The following ZNF398 variants were observed in gnomAD, a reference collection of about 807,000 sequenced individuals.
ZNF398 encodes the protein zinc finger protein 398.
In ZNF398, 18 loss-of-function variants were observed where a neutral mutation model predicts 41.9. That is an observed-to-expected ratio of 0.43 (90% CI 0.30 to 0.64). The LOEUF (loss-of-function observed/expected upper bound fraction) is 0.64. Among genes scored for constraint, ZNF398 ranks in the 30% least tolerant of loss-of-function variants. The pLI, the probability that ZNF398 is intolerant of heterozygous loss-of-function variation, is 0.14. For synonymous variants in ZNF398, 260 were observed against 308.8 expected (o/e 0.84, Z 1.66); for missense variants, 669 against 822.8 (o/e 0.81, Z 2.29).
rs567278585 is a variant in ZNF398 at position 149,139,031 on chromosome 7, C to T, written c.-490+10087C>T. On this transcript the variant is annotated intron_variant, in intron 2 of 6. Coordinates refer to the ZNF398 transcript ENST00000426851. ...GTTCCAGCAATTCTCCTGCCTCAGC[C>T]TCCAGAGTAGCTGGGACTACAGGAG... Among the ~76,000 whole-genome samples, 21 of 152,130 alleles carry T rather than the reference C, an allele frequency of 1.4e-4. 1 individual carries two copies. In the South Asian group the frequency reaches 3.3e-3, roughly 24 times the overall value.
intron 2 of ZNF398, among the ~76,000 whole-genome samples, chr7:149,142,439 G>A (rs543955501): frequency 1.1e-4 from 17 of 152,242 alleles, no homozygotes; most frequent in African/African-American, 1.7e-4. Flanking sequence ...AGGCCGAGGC[G>A]GGCGGATCAC....
At chr7:149,143,272 C>T (rs1253953507), upstream of ZNF398, among the ~76,000 whole-genome samples, 1 of 152,154 alleles carries the variant, frequency 6.6e-6, no homozygotes, top group Non-Finnish European at 1.5e-5. Flanking sequence ...CGGATAAAGG[C>T]TTTAATTTTG....
intron 2 of ZNF398, among the ~76,000 whole-genome samples, chr7:149,162,351 T>G (rs1372913992): frequency 6.6e-6 from 1 of 152,052 alleles, no homozygotes; most frequent in African/African-American, 2.4e-5. Flanking sequence ...CTGGCTAATT[T>G]TTTTATATTT....
chr7:149,141,457 T>TTC (rs1826824667), intron 2 of ZNF398, among the ~76,000 whole-genome samples: 2 of 123,214 alleles, frequency 1.6e-5, no homozygotes, highest in East Asian at 2.3e-4. Context: ...CTTTTTTTTC[T>TTC]TTTTTTTTTT....
intron 2 of ZNF398, among the ~76,000 whole-genome samples, chr7:149,156,210 A>C (rs1284922664): frequency 6.6e-6 from 1 of 151,880 alleles, no homozygotes; most frequent in East Asian, 1.9e-4. Flanking sequence ...TGACAATAAG[A>C]GTTACTGATG....
In ZNF398 at chr7:149,180,884, G is replaced by A. The variant is rs537765270; in HGVS notation, c.*1083G>A. ...GCTTCCTTGAGCCATCAGAGAGAGT[G>A]TATGTTCACCCTATCTGGCTGTATC... On this transcript the variant is annotated 3_prime_UTR_variant, in exon 6 of 6. Transcript: ENST00000475153. 8.7e-4 allele frequency: 133 copies of A among 152,362 alleles called. No individual in the cohort carries two copies. Among genetic ancestry groups the A allele is most frequent in the African/African-American group, 3.1e-3 (127 of 41,580 alleles). The allele number at this position is 152,362 out of a possible 1,614,324, so 9.4% of individuals were successfully genotyped here.
intron 2 of ZNF398, among the ~76,000 whole-genome samples, chr7:149,140,911 G>A (rs1033730230): frequency 2.0e-5 from 3 of 151,916 alleles, no homozygotes; most frequent in Non-Finnish European, 4.4e-5. Flanking sequence ...GTAGCAGGGT[G>A]GGCCTGTAGT....
chr7:149,176,433 C>T (rs770347210), intron 4 of ZNF398, 35 bp from the exon 5 acceptor site: 1 of 1,431,320 alleles, frequency 7.0e-7, no homozygotes, highest in Non-Finnish European at 9.9e-7. Flanking sequence ...TATTCAAGTT[C>T]ATGAAGGCCA....
At chr7:149,172,185 G>C (rs4727027) in intron 4 of ZNF398, among the ~76,000 whole-genome samples, 1 of 152,076 alleles carries the variant, frequency 6.6e-6, no homozygotes, top group South Asian at 2.1e-4. Flanking sequence ...TTTATTGATG[G>C]TATCGTTTTC....
intron 1 of ZNF398, among the ~76,000 whole-genome samples, chr7:149,127,548 C>CAAAAAACAAAAAA (rs1826508857): frequency 1.3e-5 from 1 of 74,902 alleles, no homozygotes; most frequent in Non-Finnish European, 2.4e-5. Context: ...ACTAAAAATA[C>CAAAAAACAAAAAA]AAAAAAAAAA....
rs1463528093 is a variant in ZNF398 at position 149,147,935 on chromosome 7, G to A, written c.24+169G>A. Among the ~76,000 whole-genome samples, 1 of 152,128 alleles carries A rather than the reference G, an allele frequency of 6.6e-6. No homozygotes were observed. Among genetic ancestry groups the A allele is most frequent in the African/African-American group, 2.4e-5 (1 of 41,450 alleles). ...GCAGCCTCGCGTGAGGGGACTTAGCGGGTGGGTGTGAAACCGCCCACCCGG... is the reference window on the plus strand; with the variant it reads ...GCAGCCTCGCGTGAGGGGACTTAGCAGGTGGGTGTGAAACCGCCCACCCGG... On this transcript the variant is annotated intron_variant, in intron 1 of 5. Transcript: ENST00000475153. The surrounding 1 kb of genome is among the most constrained non-coding windows in gnomAD (Gnocchi z 5.6).
At chr7:149,141,016 C>T (rs1374996789) in intron 2 of ZNF398, among the ~76,000 whole-genome samples, 1 of 138,176 alleles carries the variant, frequency 7.2e-6, no homozygotes, top group Non-Finnish European at 1.5e-5. Flanking sequence ...CTCCAGCCTG[C>T]GCGACAGAGG....
At chr7:149,158,479 T>G (rs1795031578) in intron 2 of ZNF398, among the ~76,000 whole-genome samples, 1 of 152,164 alleles carries the variant, frequency 6.6e-6, no homozygotes, top group Admixed American at 6.6e-5. Context: ...GAGAACCTTC[T>G]CCATAGTACA....
intron 1 of ZNF398, among the ~76,000 whole-genome samples, chr7:149,151,791 CTT>C (rs753689637): frequency 7.2e-5 from 10 of 139,226 alleles, no homozygotes; most frequent in Non-Finnish European, 1.1e-4. Context: ...CTTTTTTTTT[CTT>C]TTTTTTTTTT....
chr7:149,141,453 T>C (rs958189201), intron 2 of ZNF398, among the ~76,000 whole-genome samples: 1 of 132,572 alleles, frequency 7.5e-6, no homozygotes, highest in South Asian at 2.7e-4. Flanking sequence ...TTTTCTTTTT[T>C]TTCTTTTTTT....
intron 5 of ZNF398, among the ~76,000 whole-genome samples, chr7:149,176,848 A>T (rs1034781): frequency 0.074 from 11,317 of 152,206 alleles, 421 homozygotes; most frequent in Middle Eastern, 0.089. Flanking sequence ...AATTATGGGG[A>T]TGGGGAAAGA....
intron 2 of ZNF398, among the ~76,000 whole-genome samples, chr7:149,133,306 G>A (rs1008137711): frequency 3.3e-5 from 5 of 151,816 alleles, no homozygotes; most frequent in Non-Finnish European, 7.4e-5. Flanking sequence ...TAGAGATAGG[G>A]TTTCACCATG....
At chr7:149,160,524 C>G (rs560706935) in intron 2 of ZNF398, among the ~76,000 whole-genome samples, 1 of 152,344 alleles carries the variant, frequency 6.6e-6, no homozygotes, top group Non-Finnish European at 1.5e-5. Context: ...AATGTTTTCT[C>G]CATTCCCATT....
At chr7:149,167,508 A>C (rs995015320) in intron 4 of ZNF398, among the ~76,000 whole-genome samples, 1 of 152,040 alleles carries the variant, frequency 6.6e-6, no homozygotes, top group Non-Finnish European at 1.5e-5. Context: ...GAAAATTCTC[A>C]TACACTTTTT....
Sources: gnomAD v4.1 joint callset for allele counts (sites outside exome capture counted in the v4.1 genomes callset) on GRCh38, gnomAD v4.1.1 for gene constraint, Gnocchi (gnomAD v3.1) non-coding constraint, MANE v1.5 for transcripts, NCBI Gene and HGNC (gene_info 2026-07-23, HGNC 2026-07-21) for gene names.